Variants in SLCO1B1 observed in about 807,000 individuals in gnomAD.
SLCO1B1 encodes solute carrier organic anion transporter family member 1B1, also known as OATP-2.
SLCO1B1 carries 81 observed loss-of-function variants against 70.1 expected under a neutral mutation model. The observed-to-expected ratio is 1.16, with a 90% CI of 0.97 to 1.39. The LOEUF (loss-of-function observed/expected upper bound fraction) is 1.39, where lower values mean the gene tolerates loss of function less well. Ranked by LOEUF, SLCO1B1 falls within the 40% of genes most tolerant of loss-of-function variation. The pLI, the probability that SLCO1B1 is intolerant of heterozygous loss-of-function variation, is 0.00. For missense variants in SLCO1B1, 895 were observed against 799.6 expected, an observed-to-expected ratio of 1.12 and a Z score of -1.44; for synonymous variants, 283 against 271.5, an observed-to-expected ratio of 1.04 and a Z score of -0.42.
intron 12 of SLCO1B1, among the ~76,000 whole-genome samples, chr12:21,221,878 A>G (rs1023776079): frequency 3.9e-5 from 6 of 152,122 alleles, no homozygotes; most frequent in African/African-American, 1.4e-4. Context: ...TAGAAGTACC[A>G]TTTGACCCAG....
intron 2 of SLCO1B1, chr12:21,164,734 T>C (rs10444413): frequency 0.12 from 53,120 of 446,204 alleles, 4,076 homozygotes; most frequent in Non-Finnish European, 0.17. Flanking sequence ...TTAAGTATTT[T>C]GTGTCTTCAA....
chr12:21,224,543 G>A (rs72655361), intron 13 of SLCO1B1, among the ~76,000 whole-genome samples, 179 bp from the exon 14 acceptor site: 10 of 152,128 alleles, frequency 6.6e-5, no homozygotes, highest in Non-Finnish European at 1.5e-5. Context: ...ATTACTACAT[G>A]ATTTGGGTCT....
rs574395392 is a variant in SLCO1B1 at position 21,211,814 on chromosome 12, A to C, written c.1498-5305A>C. ...GGAGAGTGTATATGTCAAGGAATTT[A>C]TCCATTTCTTCTAGATTTTCTAGTT... On this transcript the variant is annotated intron_variant, in intron 11 of 14. Transcript: ENST00000256958. 3.4e-3 allele frequency among the ~76,000 whole-genome samples: 525 copies of C among 152,216 alleles called. 3 individuals carry two copies. Among genetic ancestry groups the C allele is most frequent in the African/African-American group, 0.012 (495 of 41,536 alleles).
chr12:21,147,803 G>T (rs544476820), intron 2 of SLCO1B1, among the ~76,000 whole-genome samples: 26 of 152,120 alleles, frequency 1.7e-4, no homozygotes, highest in African/African-American at 5.1e-4. Flanking sequence ...TTCAACAATG[G>T]TTGAATTAAT....
At chr12:21,189,048 T>G (rs1012290254) in intron 7 of SLCO1B1, among the ~76,000 whole-genome samples, 3 of 152,216 alleles carry the variant, frequency 2.0e-5, no homozygotes, top group Non-Finnish European at 4.4e-5. Flanking sequence ...CAGCTAGCTA[T>G]TATGAATAGT....
chr12:21,153,726 C>G (rs1206764348), intron 2 of SLCO1B1, among the ~76,000 whole-genome samples: 1 of 151,870 alleles, frequency 6.6e-6, no homozygotes, highest in Non-Finnish European at 1.5e-5. Flanking sequence ...TTGATTTTTG[C>G]TTATATATTT....
At chr12:21,188,140 C>T (rs961777750) in intron 7 of SLCO1B1, among the ~76,000 whole-genome samples, 2 of 152,006 alleles carry the variant, frequency 1.3e-5, no homozygotes, top group African/African-American at 4.8e-5. Flanking sequence ...GACAAAACCA[C>T]AAAGTCAAAT....
intron 8 of SLCO1B1, 133 bp from the exon 9 acceptor site, chr12:21,200,375 C>A: frequency 4.0e-6 from 2 of 503,600 alleles, no homozygotes; most frequent in Non-Finnish European, 7.0e-6. Context: ...TGTGGTATTG[C>A]AGGCTATTCT....
At chr12:21,141,129 C>CT (rs1477300239) in intron 1 of SLCO1B1, among the ~76,000 whole-genome samples, 1 of 151,696 alleles carries the variant, frequency 6.6e-6, no homozygotes, top group Non-Finnish European at 1.5e-5. Flanking sequence ...CTAATAGGCA[C>CT]ATTTTAAAAC....
chr12:21,206,410 T>C (rs1032188299), intron 11 of SLCO1B1, among the ~76,000 whole-genome samples: 2 of 151,948 alleles, frequency 1.3e-5, no homozygotes, highest in Non-Finnish European at 2.9e-5. Flanking sequence ...GAAAATGAGT[T>C]AACCCATTGT....
intron 2 of SLCO1B1, among the ~76,000 whole-genome samples, chr12:21,147,832 G>A (rs149130267): frequency 2.0e-5 from 3 of 152,128 alleles, no homozygotes; most frequent in Non-Finnish European, 4.4e-5. Flanking sequence ...CCACCAACAG[G>A]GTAAAAGCAT....
intron 1 of SLCO1B1, among the ~76,000 whole-genome samples, chr12:21,134,014 C>A (rs1940178949): frequency 1.3e-5 from 2 of 152,118 alleles, no homozygotes; most frequent in Non-Finnish European, 2.9e-5. Flanking sequence ...CCCATCAATA[C>A]CTAATTTATT....
chr12:21,157,397 A>G (rs981402474), intron 2 of SLCO1B1, among the ~76,000 whole-genome samples: 4 of 152,150 alleles, frequency 2.6e-5, no homozygotes, highest in African/African-American at 7.2e-5. Context: ...GAAATGCACC[A>G]GTAAAATGTA....
intron 7 of SLCO1B1, among the ~76,000 whole-genome samples, chr12:21,183,714 G>T (rs1239375558): frequency 6.6e-6 from 1 of 152,054 alleles, no homozygotes; most frequent in Non-Finnish European, 1.5e-5. Context: ...CTTCAAATGG[G>T]TGCATTTGAG....
At chr12:21,209,630 C>A (rs1377346474) in intron 11 of SLCO1B1, among the ~76,000 whole-genome samples, 1 of 151,986 alleles carries the variant, frequency 6.6e-6, no homozygotes, top group Non-Finnish European at 1.5e-5. Context: ...TGAGGAATCG[C>A]CACACTGACT....
chr12:21,183,151 C>G (rs79304409), intron 7 of SLCO1B1, among the ~76,000 whole-genome samples: 18,616 of 152,266 alleles, frequency 0.12, 1,521 homozygotes, highest in Non-Finnish European at 0.18. Context: ...TATCTGCCAG[C>G]CATTACTCTT....
intron 7 of SLCO1B1, among the ~76,000 whole-genome samples, chr12:21,193,206 C>T (rs11045842): frequency 0.013 from 1,989 of 152,014 alleles, 40 homozygotes; most frequent in African/African-American, 0.045. Flanking sequence ...GTGTCTGTTA[C>T]GTTCAATTGG....
intron 2 of SLCO1B1, among the ~76,000 whole-genome samples, chr12:21,160,106 T>TA (rs56102570): frequency 0.37 from 41,666 of 111,810 alleles, 7,312 homozygotes; most frequent in African/African-American, 0.43. Context: ...TTCACAGAAC[T>TA]AAAAAAAAAA....
chr12:21,202,360 A>G (rs1414015154), intron 9 of SLCO1B1, 131 bp from the exon 10 acceptor site: 3 of 657,438 alleles, frequency 4.6e-6, no homozygotes, highest in African/African-American at 1.8e-5. Flanking sequence ...CATGTATCCC[A>G]GAACTTAAAG....
Sources: allele counts gnomAD v4.1 joint callset (sites outside exome capture counted in the v4.1 genomes callset), GRCh38; gene constraint gnomAD v4.1.1; transcripts MANE v1.5; gene names NCBI Gene and HGNC (gene_info 2026-07-23, HGNC 2026-07-21).